TRAFD1: variants seen among roughly 807,000 people sequenced by gnomAD.
TRAFD1 encodes the protein TRAF-type zinc finger domain-containing protein 1.
TRAFD1 carries 38 observed loss-of-function variants against 65.3 expected under a neutral mutation model. The observed-to-expected ratio is 0.58, with a 90% CI of 0.45 to 0.76. The LOEUF (loss-of-function observed/expected upper bound fraction) is 0.76. TRAFD1 is among the 30% of genes least tolerant of loss of function. The pLI, the probability that TRAFD1 is intolerant of heterozygous loss-of-function variation, is 0.00. For missense variants in TRAFD1, 631 were observed against 712.6 expected (o/e 0.89, Z 1.30); for synonymous variants, 223 against 257.2 (o/e 0.87, Z 1.27).
At position 112,130,667 on chromosome 12, in the gene TRAFD1, A is replaced by G; in HGVS notation, c.47+98A>G. On this transcript the variant is annotated intron_variant, in intron 2 of 11. Coordinates refer to ENST00000412615, the MANE Select transcript of TRAFD1 (RefSeq NM_006700.3). The surrounding 1 kb of genome is among the most constrained non-coding windows in gnomAD (Gnocchi z 4.4). Reference sequence around the variant, plus strand: ...AAAAACTGTTAGTGAAGACTGGCACAGTCTTGAGTTAAGCTTTCTATTTTG... The same window carrying G: ...AAAAACTGTTAGTGAAGACTGGCACGGTCTTGAGTTAAGCTTTCTATTTTG... 9.8e-7 allele frequency: 1 copy of G among 1,019,510 alleles called. No individual in the cohort carries two copies. Among genetic ancestry groups the G allele is most frequent in the Non-Finnish European group, 1.5e-6 (1 of 685,896 alleles). The allele number at this position is 1,019,510 out of a possible 1,614,324, so 63.2% of individuals were successfully genotyped here. A position where few individuals can be genotyped will look rare whatever the true frequency, so the allele number is the denominator to read the frequency against.
chr12:112,152,693 A>G lies in TRAFD1; in HGVS notation c.1693-42A>G. The G allele has an allele frequency of 6.2e-7, 1 of 1,613,490 alleles. No homozygotes were observed. The highest frequency in any genetic ancestry group is 8.5e-7 in the Non-Finnish European group (1 of 1,179,828). On this transcript the variant is annotated intron_variant, in intron 11 of 11. Transcript: ENST00000412615. The surrounding 1 kb of genome is among the most constrained non-coding windows in gnomAD (Gnocchi z 5.0). Reference sequence around the variant, plus strand: ...TCCAGGGGAGGAGTAATGCTTTTTCACTTTTTATGTAAAGCTTCGTTTGTG... The same window carrying G: ...TCCAGGGGAGGAGTAATGCTTTTTCGCTTTTTATGTAAAGCTTCGTTTGTG...
chr12:112,139,684 A>G (rs1224057783), intron 4 of TRAFD1, among the ~76,000 whole-genome samples: 1 of 152,202 alleles, frequency 6.6e-6, no homozygotes, highest in Non-Finnish European at 1.5e-5. Context: ...TGGCCTCCCA[A>G]AGTGCTGGGA....
chr12:112,151,100 T>C (rs1016781084), intron 9 of TRAFD1, among the ~76,000 whole-genome samples: 6 of 151,558 alleles, frequency 4.0e-5, no homozygotes, highest in African/African-American at 1.5e-4. Flanking sequence ...TAGCCGGGCG[T>C]GGTGGCGGGC....
At chr12:112,147,991 C>A in intron 7 of TRAFD1, 83 bp from the exon 8 acceptor site, 1 of 1,297,878 alleles carries the variant, frequency 7.7e-7, no homozygotes, top group Non-Finnish European at 1.1e-6. Context: ...AATTATATGA[C>A]TTCTTCTAGA....
At position 112,152,324 on chromosome 12, in the gene TRAFD1, TG is replaced by T; in HGVS notation, c.1620-99del. ...ATTATTTTGTGGCCTATGGGTTTTT[TG>T]GGGTTTGTCTGCTAGCATAGGACTG... is the stretch of plus-strand genomic sequence containing the variant. On this transcript the variant is annotated intron_variant, in intron 10 of 11. Coordinates refer to ENST00000412615, the MANE Select transcript of TRAFD1 (RefSeq NM_006700.3). The surrounding 1 kb of genome is among the most constrained non-coding windows in gnomAD (Gnocchi z 5.0). The T allele has an allele frequency of 6.6e-7, 1 of 1,512,628 alleles. No homozygotes were observed. Among genetic ancestry groups the T allele is most frequent in the Non-Finnish European group, 9.0e-7 (1 of 1,113,896 alleles). The allele number at this position is 1,512,628 out of a possible 1,614,324, so 93.7% of individuals were successfully genotyped here.
intron 9 of TRAFD1, among the ~76,000 whole-genome samples, chr12:112,151,093 C>CCGGGTGTGGTGG (rs1555245573): frequency 6.7e-6 from 1 of 148,544 alleles, no homozygotes; most frequent in African/African-American, 2.6e-5. Flanking sequence ...CAAAAATTAG[C>CCGGGTGTGGTGG]CGGGCGTGGT....
intron 8 of TRAFD1, 105 bp from the exon 9 acceptor site, chr12:112,149,645 CA>C: frequency 6.8e-7 from 1 of 1,481,066 alleles, no homozygotes; most frequent in East Asian, 2.3e-5. Context: ...CAGAGGTTGT[CA>C]AAGTCCCCCT....
Position 112,145,603 on chromosome 12 carries a change from A to G in TRAFD1, c.868A>G (p.Met290Val), listed in dbSNP as rs371840048. The G allele has an allele frequency of 3.7e-6, 6 of 1,614,062 alleles. No homozygotes were observed. The highest frequency in any genetic ancestry group is 5.1e-6 in the Non-Finnish European group (6 of 1,180,024). Residue 290 changes from methionine to valine, a missense_variant, in exon 7 of 12, where the codon ATG (methionine) becomes GTG (valine). Met to Val is a conservative substitution (Grantham distance 21). Transcript: ENST00000412615. ...ATACCTAGGTGCAGCTGACGAGATCATGTTGCCTTGTGAATTTTGTGAGGA... is the reference window on the plus strand; with the variant it reads ...ATACCTAGGTGCAGCTGACGAGATCGTGTTGCCTTGTGAATTTTGTGAGGA... ...SDIKGAADEI[M>V]LPCEFCEELY...
At chr12:112,141,581 C>T (rs1426379702) in intron 5 of TRAFD1, 1 of 233,326 alleles carries the variant, frequency 4.3e-6, no homozygotes, top group Admixed American at 5.1e-5. Flanking sequence ...TTCCAGTGAG[C>T]ATTTTCTTTG....
chr12:112,128,003 C>T (rs1305965002), intron 1 of TRAFD1, among the ~76,000 whole-genome samples: 1 of 150,898 alleles, frequency 6.6e-6, no homozygotes, highest in Non-Finnish European at 1.5e-5. Context: ...GCACCTGGCC[C>T]ACAGTATTGT....
At position 112,127,351 on chromosome 12, in the gene TRAFD1, A is replaced by G. The variant is rs76987941; in HGVS notation, c.-13+1733A>G. On this transcript the variant is annotated intron_variant, in intron 1 of 11. Coordinates refer to ENST00000412615, the MANE Select transcript of TRAFD1 (RefSeq NM_006700.3). ...TTTTCCATCACAATACTCAAGTTAT[A>G]TGTATTTTTTTGCTTATTGTTTTTC... Among the ~76,000 whole-genome samples, 3 of 152,290 alleles carry G rather than the reference A, an allele frequency of 2.0e-5. No homozygotes were observed. The East Asian group carries it at 5.8e-4, about 29-fold the overall frequency.
Position 112,148,265 on chromosome 12 carries a change from T to TG in TRAFD1, c.1123dup (p.Val375GlyfsTer16). 1 of 1,614,130 alleles carries TG rather than the reference T, an allele frequency of 6.2e-7. No individual in the cohort carries two copies. Among genetic ancestry groups the TG allele is most frequent in the Non-Finnish European group, 8.5e-7 (1 of 1,180,010 alleles). ...GCATCATTATCCCATGTGAATTCTGTGGGGTACAGCTGGAAGAGGAGGTGC... is the reference window on the plus strand; with the variant it reads ...GCATCATTATCCCATGTGAATTCTGTGGGGGTACAGCTGGAAGAGGAGGTGC... On this transcript the variant is annotated frameshift_variant, in exon 8 of 12. Coordinates refer to ENST00000412615, the MANE Select transcript of TRAFD1 (RefSeq NM_006700.3). LOFTEE classifies it high-confidence loss of function.
Position 112,130,103 on chromosome 12 carries a change from C to G in TRAFD1, c.-12-408C>G, listed in dbSNP as rs1296327597. On this transcript the variant is annotated intron_variant, in intron 1 of 11. Coordinates refer to ENST00000412615, the MANE Select transcript of TRAFD1 (RefSeq NM_006700.3). This position sits in a 1 kb window ranked among gnomAD's most constrained non-coding sequence, Gnocchi z 4.4. Reference sequence around the variant, plus strand: ...TCGGCCTCTCGAGTAGCTGGGACTACAGGCACACATCACCATGCCTGGGTA... The same window carrying G: ...TCGGCCTCTCGAGTAGCTGGGACTAGAGGCACACATCACCATGCCTGGGTA... 2.0e-5 allele frequency among the ~76,000 whole-genome samples: 3 copies of G among 151,870 alleles called. No homozygotes were observed. Among genetic ancestry groups the G allele is most frequent in the Admixed American group, 2.0e-4 (3 of 15,202 alleles).
At chr12:112,148,403 C>A in intron 8 of TRAFD1, 99 bp downstream of exon 8, 1 of 1,047,086 alleles carries the variant, frequency 9.6e-7, no homozygotes, top group Non-Finnish European at 1.4e-6. Context: ...GCATTCCATC[C>A]TGACAAGGAA....
chr12:112,135,456 C>T (rs998245661), intron 4 of TRAFD1, among the ~76,000 whole-genome samples: 4 of 152,092 alleles, frequency 2.6e-5, no homozygotes, highest in African/African-American at 7.2e-5. Context: ...TTTTTTGAGA[C>T]GGAGTCTTGT....
rs1593873287 is a variant in TRAFD1, at chr12:112,149,587, G to A, written c.1159-164G>A. On this transcript the variant is annotated intron_variant, in intron 8 of 11. Coordinates refer to ENST00000412615, the MANE Select transcript of TRAFD1 (RefSeq NM_006700.3). ...CAGTGCCTCATGTGCCGATGGGATT[G>A]AATGCAACCATTCCAGATGTGTGGT... is the stretch of plus-strand genomic sequence containing the variant. 9.5e-6 allele frequency: 8 copies of A among 839,140 alleles called. No individual in the cohort carries two copies. In the East Asian group the frequency reaches 2.2e-4, roughly 23 times the overall value. 52.0% of individuals were successfully genotyped at this position (839,140 alleles called of 1,614,324 possible).
intron 4 of TRAFD1, among the ~76,000 whole-genome samples, 171 bp downstream of exon 4, chr12:112,135,237 A>G (rs572365830): frequency 3.3e-5 from 5 of 152,220 alleles, no homozygotes; most frequent in East Asian, 1.9e-4. Context: ...AGATTCGGCT[A>G]CCTGGCTGTT....
At chr12:112,136,589 C>CT (rs1009302805) in intron 4 of TRAFD1, among the ~76,000 whole-genome samples, 7 of 151,612 alleles carry the variant, frequency 4.6e-5, no homozygotes, top group Admixed American at 3.3e-4. Context: ...GGTCATTTTT[C>CT]TTTTTTTTAA....
Position 112,130,849 on chromosome 12 carries a change from C to CA in TRAFD1, c.47+287dup, listed in dbSNP as rs34670942. Among the ~76,000 whole-genome samples, 3 of 152,084 alleles carry CA rather than the reference C, an allele frequency of 2.0e-5. No homozygotes were observed. In the South Asian group the frequency reaches 6.2e-4, roughly 32 times the overall value. On this transcript the variant is annotated intron_variant, in intron 2 of 11. Transcript: ENST00000412615. The surrounding 1 kb of genome is among the most constrained non-coding windows in gnomAD (Gnocchi z 4.4). ...TACAAGTGCTGTTACTGTAAGCTGA[C>CA]AAAAAAAGCAAAGCAGAACTGTCTG...
Sources: allele counts gnomAD v4.1 joint callset (sites outside exome capture counted in the v4.1 genomes callset), GRCh38; gene constraint gnomAD v4.1.1; non-coding constraint Gnocchi (gnomAD v3.1); transcripts MANE v1.5; gene names NCBI Gene and HGNC (gene_info 2026-07-23, HGNC 2026-07-21).